The following CC2D2A variants were observed in gnomAD, a reference collection of about 807,000 sequenced individuals.
The protein encoded by CC2D2A is coiled-coil and C2 domain-containing protein 2A.
In CC2D2A, 155 loss-of-function variants were observed where a neutral mutation model predicts 212.9. That is an observed-to-expected ratio of 0.73 (90% CI 0.64 to 0.83). The LOEUF is 0.83. Ranked by LOEUF, CC2D2A falls within the 40% of genes least tolerant of loss-of-function variation. The probability of loss-of-function intolerance (pLI) is 0.00; values close to 1 mark genes in which losing one functional copy is unlikely to be tolerated. For missense variants in CC2D2A, 1,856 were observed against 1,956.2 expected, an observed-to-expected ratio of 0.95 and a Z score of 0.97; for synonymous variants, 667 against 686.5, an observed-to-expected ratio of 0.97 and a Z score of 0.44.
intron 4 of CC2D2A, among the ~76,000 whole-genome samples, chr4:15,484,308 G>A (rs1714876640): frequency 6.6e-6 from 1 of 152,198 alleles, no homozygotes; most frequent in Non-Finnish European, 1.5e-5. Flanking sequence ...GGGCAGTGGA[G>A]AGTGAACAAC....
intron 17 of CC2D2A, among the ~76,000 whole-genome samples, chr4:15,550,160 A>T (rs944398239): frequency 2.0e-5 from 3 of 152,170 alleles, no homozygotes; most frequent in Non-Finnish European, 2.9e-5. Context: ...TTCTTAAACG[A>T]TGGTTGCCCT....
chr4:15,526,026 T>A (rs1717491139), intron 11 of CC2D2A, among the ~76,000 whole-genome samples: 1 of 152,222 alleles, frequency 6.6e-6, no homozygotes, highest in African/African-American at 2.4e-5. Context: ...AGGGCATTTT[T>A]AAAATAAAAC....
At chr4:15,518,122 C>T (rs780547347) in intron 11 of CC2D2A, among the ~76,000 whole-genome samples, 14 of 152,126 alleles carry the variant, frequency 9.2e-5, no homozygotes, top group Non-Finnish European at 1.9e-4. Flanking sequence ...TCTGTCCTCA[C>T]ATTTCAAAAC....
chr4:15,491,310 A>G (rs1715293465), intron 4 of CC2D2A, among the ~76,000 whole-genome samples: 1 of 152,136 alleles, frequency 6.6e-6, no homozygotes, highest in Non-Finnish European at 1.5e-5. Flanking sequence ...GTGGTGTCTT[A>G]TGCTTTTAAC....
intron 24 of CC2D2A, chr4:15,564,257 G>A (rs1236285470): frequency 6.6e-6 from 1 of 152,456 alleles, no homozygotes; most frequent in Non-Finnish European, 1.5e-5. Context: ...TAGAGACAGG[G>A]TCCTGCTATG....
intron 11 of CC2D2A, chr4:15,519,771 A>T (rs1560162792): frequency 2.6e-6 from 1 of 384,596 alleles, no homozygotes; most frequent in Non-Finnish European, 5.2e-6. Flanking sequence ...TCACCATCAT[A>T]AGAACGGCGC....
At chr4:15,488,275 C>T (rs1715115351) in intron 4 of CC2D2A, among the ~76,000 whole-genome samples, 1 of 152,086 alleles carries the variant, frequency 6.6e-6, no homozygotes, top group Non-Finnish European at 1.5e-5. Context: ...CTTTTGCTTG[C>T]CTTGAAAAGT....
chr4:15,553,074 T>C, intron 18 of CC2D2A, 84 bp from the exon 19 acceptor site: 1 of 1,284,944 alleles, frequency 7.8e-7, no homozygotes, highest in Non-Finnish European at 1.0e-6. Flanking sequence ...CCAAGTTCCA[T>C]TTGTCTACTA....
At chr4:15,493,938 A>G (rs374437550) in intron 4 of CC2D2A, among the ~76,000 whole-genome samples, 9 of 152,198 alleles carry the variant, frequency 5.9e-5, no homozygotes, top group African/African-American at 9.6e-5. Context: ...GAAACTTTTC[A>G]TATCATTTCT....
chr4:15,563,720 T>G, intron 24 of CC2D2A, 198 bp downstream of exon 24: 1 of 583,914 alleles, frequency 1.7e-6, no homozygotes, highest in East Asian at 2.8e-5. Context: ...AGGGGATTTA[T>G]TAAGAACATC....
At chr4:15,481,964 T>A (rs1714697227) in intron 4 of CC2D2A, 1 of 985,326 alleles carries the variant, frequency 1.0e-6, no homozygotes, top group African/African-American at 1.7e-5. Context: ...ACGCCTTTTC[T>A]TCTTCCCCAG....
intron 24 of CC2D2A, among the ~76,000 whole-genome samples, chr4:15,564,965 C>G (rs1719815012): frequency 6.6e-6 from 1 of 152,224 alleles, no homozygotes; most frequent in African/African-American, 2.4e-5. Context: ...GCATGAGCCA[C>G]TGCACCCGGC....
intron 11 of CC2D2A, 118 bp downstream of exon 11, chr4:15,516,874 C>G: frequency 1.0e-6 from 1 of 969,494 alleles, no homozygotes; most frequent in Non-Finnish European, 1.4e-6. Flanking sequence ...AATTCACTAT[C>G]TTACACATAA....
chr4:15,516,337 T>C (rs531729391), intron 10 of CC2D2A, among the ~76,000 whole-genome samples: 56 of 152,332 alleles, frequency 3.7e-4, no homozygotes, highest in African/African-American at 1.3e-3. Context: ...TTCTGTGTTT[T>C]TTTTTCTTAA....
intron 6 of CC2D2A, among the ~76,000 whole-genome samples, chr4:15,508,826 T>C (rs551455608): frequency 1.3e-5 from 2 of 152,354 alleles, no homozygotes; most frequent in African/African-American, 2.4e-5. Context: ...TCTGTCCATA[T>C]AATAATGATC....
intron 9 of CC2D2A, 47 bp downstream of exon 9, chr4:15,514,916 A>G (rs780591233): frequency 1.3e-6 from 2 of 1,566,932 alleles, no homozygotes; most frequent in Admixed American, 3.4e-5. Flanking sequence ...ATCGTCACTT[A>G]CCTTGTCATG....
chr4:15,527,066 C>T (rs567488172), intron 11 of CC2D2A, among the ~76,000 whole-genome samples: 9 of 152,194 alleles, frequency 5.9e-5, no homozygotes, highest in Non-Finnish European at 1.0e-4. Flanking sequence ...AAATAATGAT[C>T]GGTTTGAACT....
intron 4 of CC2D2A, among the ~76,000 whole-genome samples, chr4:15,484,134 T>C (rs1383986729): frequency 6.6e-6 from 1 of 151,906 alleles, no homozygotes; most frequent in Non-Finnish European, 1.5e-5. Context: ...GTGTGAGAAG[T>C]CCTGAAGAGA....
intron 11 of CC2D2A, among the ~76,000 whole-genome samples, chr4:15,523,874 C>T (rs1365354498): frequency 6.6e-6 from 1 of 152,152 alleles, no homozygotes; most frequent in Non-Finnish European, 1.5e-5. Context: ...TATTTTTCCC[C>T]ACAGTTCACA....
Sources: gnomAD v4.1 joint callset for allele counts (sites outside exome capture counted in the v4.1 genomes callset) on GRCh38, gnomAD v4.1.1 for gene constraint, MANE v1.5 for transcripts, NCBI Gene and HGNC (gene_info 2026-07-23, HGNC 2026-07-21) for gene names.